Variants in SPTAN1 observed in about 807,000 individuals in gnomAD.
SPTAN1 encodes the protein spectrin alpha, non-erythrocytic 1, also known as spectrin alpha chain, non-erythrocytic 1.
Under a neutral mutation model 331.3 loss-of-function variants are expected in SPTAN1, and 61 were observed. The ratio of observed to expected loss-of-function variants is 0.18; its 90% CI spans 0.15 to 0.23. The LOEUF is 0.23. SPTAN1 is among the 10% of genes least tolerant of loss of function. The pLI, the probability that SPTAN1 is intolerant of heterozygous loss-of-function variation, is 1.00. For synonymous variants in SPTAN1, 1,153 were observed against 1,173.9 expected, an observed-to-expected ratio of 0.98 and a Z score of 0.36; for missense variants, 2,043 against 3,147.9, an observed-to-expected ratio of 0.65 and a Z score of 8.40.
intron 28 of SPTAN1, 48 bp from the exon 29 acceptor site, chr9:128,604,278 A>G: frequency 1.9e-6 from 3 of 1,583,042 alleles, no homozygotes; most frequent in South Asian, 2.2e-5. Context: ...GACTGGGGGC[A>G]TGACAGGAGA....
In SPTAN1 at chr9:128,625,186, C is replaced by A. The variant is rs1554766358; in HGVS notation, c.6069+7C>A. 6.2e-7 allele frequency: 1 copy of A among 1,613,956 alleles called. No individual in the cohort carries two copies. The highest frequency in any genetic ancestry group is 8.5e-7 in the Non-Finnish European group (1 of 1,179,862). On this transcript the variant is annotated splice_region_variant and intron_variant, in intron 47 of 56. Transcript: ENST00000372739. This position sits in a 1 kb window ranked among gnomAD's most constrained non-coding sequence, Gnocchi z 4.1. ...GACGCTCCTCACCAAACAGGTCTGC[C>A]CTGGCCCCTTCACTGGTTGAAATGT...
intron 23 of SPTAN1, 152 bp from the exon 24 acceptor site, chr9:128,594,023 T>G: frequency 1.3e-6 from 1 of 755,846 alleles, no homozygotes; most frequent in South Asian, 1.5e-5. Context: ...GATCCTCGTC[T>G]TCATCTGATA....
chr9:128,628,031 G>A (rs763546613), intron 51 of SPTAN1, 89 bp downstream of exon 51: 60 of 1,536,838 alleles, frequency 3.9e-5, no homozygotes, highest in Admixed American at 3.8e-4. Flanking sequence ...AGGATCCCGG[G>A]ATGGGCCTTC....
Position 128,617,647 on chromosome 9 carries a change from A to C in SPTAN1, c.5365A>C (p.Lys1789Gln), listed in dbSNP as rs924116830. Reference protein sequence around the residue: ...DDEESWIKEKKLLVGSEDYGR... With the variant: ...DDEESWIKEKQLLVGSEDYGR... ...TTCCCATCTCTCATTCAGGGAGAAG[A>C]AGCTGCTGGTGGGCTCAGAGGACTA... Residue 1789 changes from lysine (K) to glutamine (Q), a missense_variant, in exon 42 of 57, where the codon AAG becomes CAG. By Grantham distance (53) the Lys-to-Gln change is moderately conservative (BLOSUM62 1). Around this residue, in one of 12 missense-constraint regions of SPTAN1, gnomAD observed 323 missense variants for 581.1 expected, o/e 0.56. Transcript: ENST00000372739. 6.2e-7 allele frequency: 1 copy of C among 1,614,172 alleles called. No individual in the cohort carries two copies. Among genetic ancestry groups the C allele is most frequent in the Admixed American group, 1.7e-5 (1 of 60,016 alleles).
intron 19 of SPTAN1, 147 bp downstream of exon 19, chr9:128,586,112 G>GTTTTT (rs35434571): frequency 1.5e-4 from 40 of 266,074 alleles, no homozygotes; most frequent in East Asian, 7.7e-4. Flanking sequence ...TTTTCACTTG[G>GTTTTT]TTTTTTTTTT....
Position 128,632,270 on chromosome 9 carries a change from G to A in SPTAN1, c.6906G>A (p.Leu2302=). ...GCCTCGCCCAGCAGTGGGACCAGCTGGACCAGCTGGGCATGCGCATGCAGC... is the reference window on the plus strand; with the variant it reads ...GCCTCGCCCAGCAGTGGGACCAGCTAGACCAGCTGGGCATGCGCATGCAGC... ...TVGLAQQWDQ[L]DQLGMRMQHN... Residue 2302 remains leucine, a synonymous_variant, in exon 53 of 57, where the codon CTG becomes CTA. Coordinates refer to ENST00000372739, the MANE Select transcript of SPTAN1 (RefSeq NM_001130438.3). 6.2e-7 allele frequency: 1 copy of A among 1,613,504 alleles called. No individual in the cohort carries two copies. Among genetic ancestry groups the A allele is most frequent in the Non-Finnish European group, 8.5e-7 (1 of 1,180,004 alleles).
chr9:128,555,418 G>C (rs1355510466), intron 1 of SPTAN1: 1 of 1,289,298 alleles, frequency 7.8e-7, no homozygotes, highest in Admixed American at 2.3e-5. Context: ...CGAGCATGCA[G>C]AAAACGGGTT....
rs1408111177 is a variant in SPTAN1, at chr9:128,577,304, T to G, written c.930+31T>G. On this transcript the variant is annotated intron_variant, in intron 7 of 56. Transcript: ENST00000372739. This position sits in a 1 kb window ranked among gnomAD's most constrained non-coding sequence, Gnocchi z 4.2. ...TTTTACAAGCAGCTGATTCTGTAAA[T>G]AAGTTACCAAGGGTCAGGAGAATAG... 1 of 1,614,158 alleles carries G rather than the reference T, an allele frequency of 6.2e-7. No individual in the cohort carries two copies. The highest frequency in any genetic ancestry group is 8.5e-7 in the Non-Finnish European group (1 of 1,180,036).
In SPTAN1 at chr9:128,628,022, G is replaced by C. The variant is rs375648005; in HGVS notation, c.6707+80G>C. On this transcript the variant is annotated intron_variant, in intron 51 of 56. Coordinates refer to ENST00000372739, the MANE Select transcript of SPTAN1 (RefSeq NM_001130438.3). ...TGCCCCTCGTGGCCTGGCTTGTGGA[G>C]GATCCCGGGATGGGCCTTCCTGCCC... 5.4e-4 allele frequency: 847 copies of C among 1,569,218 alleles called. 4 individuals are homozygous for C. In the African/African-American group the frequency reaches 0.01, roughly 19 times the overall value.
At chr9:128,605,507 G>T in intron 31 of SPTAN1, 30 bp downstream of exon 31, 1 of 1,613,652 alleles carries the variant, frequency 6.2e-7, no homozygotes, top group South Asian at 1.1e-5. Context: ...CAGACTTCTG[G>T]AACATAGAGC....
At position 128,633,254 on chromosome 9, in the gene SPTAN1, C is replaced by A. The variant is rs767620941; in HGVS notation, c.7354C>A (p.Pro2452Thr). 1.2e-5 allele frequency: 19 copies of A among 1,613,998 alleles called. No individual in the cohort carries two copies. Among genetic ancestry groups the A allele is most frequent in the Non-Finnish European group, 1.4e-5 (17 of 1,180,034 alleles). ...QADYCVSHMK[P>T]YVDGKGRELP... ...CGACTACTGCGTCTCCCACATGAAGCCCTACGTGGACGGCAAGGGCCGCGA... is the reference window on the plus strand; with the variant it reads ...CGACTACTGCGTCTCCCACATGAAGACCTACGTGGACGGCAAGGGCCGCGA... The change falls in exon 57 of 57, where the codon CCC (proline) becomes ACC (threonine). Residue 2452 changes from proline (P) to threonine (T), a missense_variant. Pro to Thr is a conservative substitution (Grantham distance 38). This residue lies in a region of SPTAN1 where 88 missense variants were observed against 96.5 expected (regional missense o/e 0.91). Coordinates refer to ENST00000372739, the MANE Select transcript of SPTAN1 (RefSeq NM_001130438.3).
chr9:128,621,134 G>A, intron 44 of SPTAN1, 24 bp from the exon 45 acceptor site: 2 of 1,610,076 alleles, frequency 1.2e-6, no homozygotes, highest in Non-Finnish European at 8.5e-7. Flanking sequence ...TCTCAATAGT[G>A]TGCCTTGGCT....
intron 31 of SPTAN1, 50 bp from the exon 32 acceptor site, chr9:128,607,554 C>G: frequency 2.0e-6 from 3 of 1,471,944 alleles, no homozygotes; most frequent in Non-Finnish European, 2.9e-6. Flanking sequence ...GGCAGAAGAT[C>G]TCCTTACCAG....
intron 3 of SPTAN1, among the ~76,000 whole-genome samples, chr9:128,570,951 G>A (rs1850648909): frequency 6.6e-6 from 1 of 152,016 alleles, no homozygotes; most frequent in Non-Finnish European, 1.5e-5. Flanking sequence ...ATGAGCCGCC[G>A]CTCCTGGCCT....
intron 56 of SPTAN1, 93 bp downstream of exon 56, chr9:128,633,048 C>T: frequency 3.8e-6 from 6 of 1,593,566 alleles, no homozygotes; most frequent in Non-Finnish European, 4.3e-6. Context: ...AGGCCCTGCG[C>T]TGGGTATTCT....
At position 128,566,819 on chromosome 9, in the gene SPTAN1, C is replaced by T; in HGVS notation, c.79C>T (p.His27Tyr). The T allele has an allele frequency of 6.2e-7, 1 of 1,614,180 alleles. No homozygotes were observed. Among genetic ancestry groups the T allele is most frequent in the Non-Finnish European group, 8.5e-7 (1 of 1,180,028 alleles). The change falls in exon 2 of 57, where the codon CAC becomes TAC. Residue 27 changes from histidine (H) to tyrosine (Y), a missense_variant. By Grantham distance (83) the His-to-Tyr change is moderately conservative (BLOSUM62 2). This residue lies in a region of SPTAN1 where 1,038 missense variants were observed against 1,531.5 expected (regional missense o/e 0.68). Transcript: ENST00000372739. ...GCGGCAGCAGGTCCTAGACCGATAC[C>T]ACCGCTTCAAGGAACTCTCAACCCT... The part of the protein sequence containing the change: ...ERRQQVLDRY[H>Y]RFKELSTLRR...
chr9:128,628,902 G>A (rs769059325), intron 51 of SPTAN1: 2 of 378,120 alleles, frequency 5.3e-6, no homozygotes, highest in South Asian at 2.9e-4. Context: ...GAGGTGCCAC[G>A]CTCCCCTCAC....
intron 4 of SPTAN1, 79 bp downstream of exon 4, chr9:128,574,894 C>T: frequency 6.3e-7 from 1 of 1,596,488 alleles, no homozygotes; most frequent in Non-Finnish European, 8.6e-7. Flanking sequence ...GTAGTGAGAC[C>T]CAGTGTTAGC....
rs1195043003 is a variant in SPTAN1, at chr9:128,604,526, G to C, written c.3719+109G>C. 8 of 1,093,284 alleles carry C rather than the reference G, an allele frequency of 7.3e-6. No homozygotes were observed. The African/African-American group carries it at 1.3e-4, about 17-fold the overall frequency. The allele number at this position is 1,093,284 out of a possible 1,614,324, so 67.7% of individuals were successfully genotyped here. On this transcript the variant is annotated intron_variant, in intron 29 of 56. Coordinates refer to ENST00000372739, the MANE Select transcript of SPTAN1 (RefSeq NM_001130438.3). ...CCTAGAGCAACTGCTGGCTCTTACTGATGTTTATTTGTGACATGGGGTGGG... is the reference window on the plus strand; with the variant it reads ...CCTAGAGCAACTGCTGGCTCTTACTCATGTTTATTTGTGACATGGGGTGGG...
Sources: allele counts gnomAD v4.1 joint callset (sites outside exome capture counted in the v4.1 genomes callset), GRCh38; gene constraint gnomAD v4.1.1; regional missense constraint gnomAD v4.1.1; non-coding constraint Gnocchi (gnomAD v3.1); transcripts MANE v1.5; gene names NCBI Gene and HGNC (gene_info 2026-07-23, HGNC 2026-07-21).